CACNA1S: variants seen among roughly 807,000 people sequenced by gnomAD.
CACNA1S encodes voltage-dependent L-type calcium channel subunit alpha-1S.
In CACNA1S, 126 loss-of-function variants were observed where a neutral mutation model predicts 207.4. That is an observed-to-expected ratio of 0.61 (90% confidence interval 0.53 to 0.70). The LOEUF (loss-of-function observed/expected upper bound fraction) is 0.70, where lower values mean the gene tolerates loss of function less well. CACNA1S is among the 30% of genes least tolerant of loss of function. CACNA1S has a pLI of 0.00. For synonymous variants in CACNA1S, 960 were observed against 932.7 expected (o/e 1.03, Z -0.53); for missense variants, 2,349 against 2,422.8 (o/e 0.97, Z 0.64).
intron 2 of CACNA1S, among the ~76,000 whole-genome samples, chr1:201,098,281 G>A (rs1369153784): frequency 2.0e-5 from 3 of 152,190 alleles, no homozygotes; most frequent in African/African-American, 4.8e-5. Flanking sequence ...GCTGCACACC[G>A]TCGATATCAC....
chr1:201,111,946 C>T (rs1281792832), intron 1 of CACNA1S, among the ~76,000 whole-genome samples: 2 of 148,252 alleles, frequency 1.3e-5, no homozygotes, highest in African/African-American at 2.5e-5. Context: ...CTCCTCCTCC[C>T]CCACCCTCCT....
intron 16 of CACNA1S, among the ~76,000 whole-genome samples, chr1:201,072,336 G>A (rs1484574206): frequency 6.6e-6 from 1 of 151,896 alleles, no homozygotes; most frequent in Non-Finnish European, 1.5e-5. Context: ...GTATCCTTCC[G>A]GCCCCCAGCC....
At chr1:201,088,748 C>G (rs1170452771) in intron 6 of CACNA1S, among the ~76,000 whole-genome samples, 1 of 152,176 alleles carries the variant, frequency 6.6e-6, no homozygotes, top group Non-Finnish European at 1.5e-5. Context: ...ATAATATACT[C>G]CAACAAAGAA....
Position 201,068,279 on chromosome 1 carries a change from G to A in CACNA1S, c.2550+858C>T, listed in dbSNP as rs185081417. 6.0e-3 allele frequency among the ~76,000 whole-genome samples: 579 copies of A among 96,516 alleles called. 3 individuals are homozygous for A. The highest frequency in any genetic ancestry group is 0.029 in the African/African-American group (545 of 19,100). 63.3% of individuals were successfully genotyped at this position (96,516 alleles called of 152,430 possible). A position where few individuals can be genotyped will look rare whatever the true frequency, so the allele number is the denominator to read the frequency against. On this transcript the variant is annotated intron_variant, in intron 19 of 43. Coordinates refer to ENST00000362061, the MANE Select transcript of CACNA1S (RefSeq NM_000069.3). ...TTTTTTTTGAGATGGAGTCTCTCTCGTCACCCAGGCTGGAGTGCAGTGGCA... is the reference window on the plus strand; with the variant it reads ...TTTTTTTTGAGATGGAGTCTCTCTCATCACCCAGGCTGGAGTGCAGTGGCA...
chr1:201,052,205 T>C (rs1660679607), intron 32 of CACNA1S, among the ~76,000 whole-genome samples: 1 of 152,234 alleles, frequency 6.6e-6, no homozygotes, highest in Admixed American at 6.5e-5. Context: ...TGCCTTTCCC[T>C]GCATTCCTGC....
intron 28 of CACNA1S, among the ~76,000 whole-genome samples, chr1:201,057,073 G>A (rs535903459): frequency 6.6e-6 from 1 of 152,322 alleles, no homozygotes; most frequent in African/African-American, 2.4e-5. Flanking sequence ...CACAGTGATT[G>A]TTTTAGAACT....
intron 3 of CACNA1S, among the ~76,000 whole-genome samples, chr1:201,092,437 C>A (rs1662271269): frequency 6.6e-6 from 1 of 152,166 alleles, no homozygotes; most frequent in Non-Finnish European, 1.5e-5. Context: ...ACCCCCAACA[C>A]GGGCTGGAGG....
intron 2 of CACNA1S, among the ~76,000 whole-genome samples, chr1:201,097,136 G>T (rs1341551379): frequency 4.6e-5 from 7 of 151,838 alleles, no homozygotes; most frequent in African/African-American, 1.5e-4. Context: ...ACCGTCTCCT[G>T]CATCCAGCTC....
chr1:201,081,744 T>C (rs1572053801), intron 10 of CACNA1S, among the ~76,000 whole-genome samples: 1 of 152,362 alleles, frequency 6.6e-6, no homozygotes, highest in East Asian at 1.9e-4. Flanking sequence ...AGATTCCTCA[T>C]GAATGGCTTG....
rs544199316 is a variant in CACNA1S at position 201,075,316 on chromosome 1, T to A, written c.1948+179A>T. Among the ~76,000 whole-genome samples the A allele has an allele frequency of 2.0e-5, 3 of 152,324 alleles. No individual in the cohort carries two copies. In the South Asian group the frequency reaches 6.2e-4, roughly 32 times the overall value. On this transcript the variant is annotated intron_variant, in intron 13 of 43. Transcript: ENST00000362061. ...TCTCTAATCTTTTTGGCACAAAGAA[T>A]TATCCTACAGCTGTACCTGCATTTG...
At chr1:201,043,039 A>C in intron 40 of CACNA1S, 4 of 495,188 alleles carry the variant, frequency 8.1e-6, no homozygotes, top group Non-Finnish European at 1.5e-5. Context: ...AGCCGACGGA[A>C]TAAAAGAACC....
rs527805432 is a variant in CACNA1S at position 201,046,386 on chromosome 1, G to A, written c.4668+729C>T. 3.9e-5 allele frequency among the ~76,000 whole-genome samples: 6 copies of A among 152,170 alleles called. No homozygotes were observed. In the South Asian group the frequency reaches 1.0e-3, roughly 26 times the overall value. ...AGTAGAGATGGGGTTCTACCATCTT[G>A]CCCAGGCTGGTCTCAAACTCCTGAC... On this transcript the variant is annotated intron_variant, in intron 38 of 43. Transcript: ENST00000362061.
intron 16 of CACNA1S, among the ~76,000 whole-genome samples, 178 bp from the exon 17 acceptor site, chr1:201,070,582 G>A (rs1383866474): frequency 6.6e-6 from 1 of 152,214 alleles, no homozygotes; most frequent in East Asian, 1.9e-4. Context: ...TCTTCACAGT[G>A]AGCAGATTTG....
In CACNA1S at chr1:201,066,042, C is replaced by CT. The variant is rs1661227217; in HGVS notation, c.2746-98dup. 1 of 995,528 alleles carries CT rather than the reference C, an allele frequency of 1.0e-6. No homozygotes were observed. The highest frequency in any genetic ancestry group is 1.6e-6 in the Non-Finnish European group (1 of 638,622). 61.7% of individuals were successfully genotyped at this position (995,528 alleles called of 1,614,324 possible). ...CCAGGAGTGCAAGACTTGCTGCCTC[C>CT]TGATGAGTTGGAGGTGGGGAAAGGC... On this transcript the variant is annotated intron_variant, in intron 21 of 43. Transcript: ENST00000362061. This position sits in a 1 kb window ranked among gnomAD's most constrained non-coding sequence, Gnocchi z 4.3.
chr1:201,053,059 C>A lies in CACNA1S; in HGVS notation c.3861+150G>T. On this transcript the variant is annotated intron_variant, in intron 31 of 43. Coordinates refer to ENST00000362061, the MANE Select transcript of CACNA1S (RefSeq NM_000069.3). The surrounding 1 kb of genome is among the most constrained non-coding windows in gnomAD (Gnocchi z 5.1). ...ATCTGACACTCCAGCCATCCACGAT[C>A]AGGGAGGTTGTCCCTCCTTCTTTCT... is the stretch of plus-strand genomic sequence containing the variant. The A allele has an allele frequency of 2.2e-6, 2 of 910,002 alleles. No individual in the cohort carries two copies. The highest frequency in any genetic ancestry group is 3.6e-6 in the Non-Finnish European group (2 of 551,692). 56.4% of individuals were successfully genotyped at this position (910,002 alleles called of 1,614,324 possible). A position where few individuals can be genotyped will look rare whatever the true frequency, so the allele number is the denominator to read the frequency against.
intron 40 of CACNA1S, among the ~76,000 whole-genome samples, chr1:201,042,227 T>C (rs570388900): frequency 1.3e-5 from 2 of 152,308 alleles, no homozygotes; most frequent in South Asian, 4.1e-4. Context: ...CTCCACTTCT[T>C]GAGTTCAAGA....
chr1:201,047,665 C>A, intron 36 of CACNA1S, 39 bp from the exon 37 acceptor site: 2 of 1,367,906 alleles, frequency 1.5e-6, no homozygotes, highest in Non-Finnish European at 2.1e-6. Context: ...CAGATCACAC[C>A]AACTGCACTT....
At chr1:201,074,643 C>G (rs758303432) in intron 13 of CACNA1S, 23 bp from the exon 14 acceptor site, 1 of 1,516,978 alleles carries the variant, frequency 6.6e-7, no homozygotes, top group East Asian at 2.3e-5. Context: ...AGCTAAGGAG[C>G]CTTTGGTTGT....
At chr1:201,103,466 A>C (rs1361731396) in intron 2 of CACNA1S, among the ~76,000 whole-genome samples, 1 of 151,678 alleles carries the variant, frequency 6.6e-6, no homozygotes, top group Non-Finnish European at 1.5e-5. Context: ...TTCAGCTATT[A>C]CAGTGTCTGC....
Sources: allele counts gnomAD v4.1 joint callset (sites outside exome capture counted in the v4.1 genomes callset), GRCh38; gene constraint gnomAD v4.1.1; non-coding constraint Gnocchi (gnomAD v3.1); transcripts MANE v1.5; gene names NCBI Gene and HGNC (gene_info 2026-07-23, HGNC 2026-07-21).